The following MYH15 variants were observed in gnomAD, a reference collection of about 807,000 sequenced individuals.
MYH15 encodes myosin-15.
A neutral mutation model predicts 240.5 loss-of-function variants in MYH15; 227 were observed. The observed-to-expected ratio is 0.94, with a 90% CI of 0.85 to 1.05. The LOEUF is 1.05. Ranked by LOEUF, MYH15 falls within the 50% of genes least tolerant of loss-of-function variation. The probability of loss-of-function intolerance (pLI) is 0.00; values close to 1 mark genes in which losing one functional copy is unlikely to be tolerated. For synonymous variants in MYH15, 785 were observed against 796.7 expected, an observed-to-expected ratio of 0.99 and a Z score of 0.25; for missense variants, 2,217 against 2,247.5, an observed-to-expected ratio of 0.99 and a Z score of 0.27.
Position 108,456,747 on chromosome 3 carries a change from T to A in MYH15, c.2138+19A>T. ...AATGAACTGCCTCAGGCTTCTTGGATCCTAGAATGTAGGTTTACCTTTGTT... is the reference window on the plus strand; with the variant it reads ...AATGAACTGCCTCAGGCTTCTTGGAACCTAGAATGTAGGTTTACCTTTGTT... On this transcript the variant is annotated intron_variant, in intron 19 of 40. Coordinates refer to ENST00000693548, the MANE Select transcript of MYH15 (RefSeq NM_014981.3). 1 of 1,557,814 alleles carries A rather than the reference T, an allele frequency of 6.4e-7. No homozygotes were observed. Among genetic ancestry groups the A allele is most frequent in the Non-Finnish European group, 8.9e-7 (1 of 1,129,434 alleles).
rs759460238 is a variant in MYH15, at chr3:108,428,848, C to T, written c.3346G>A (p.Ala1116Thr). 4 of 1,610,426 alleles carry T rather than the reference C, an allele frequency of 2.5e-6. No individual in the cohort carries two copies. Among genetic ancestry groups the T allele is most frequent in the Non-Finnish European group, 3.4e-6 (4 of 1,179,164 alleles). Residue 1116 changes from alanine to threonine, a missense_variant, in exon 27 of 41, where the codon GCT becomes ACT. By Grantham distance (58) the Ala-to-Thr change is moderately conservative. Coordinates refer to ENST00000693548, the MANE Select transcript of MYH15 (RefSeq NM_014981.3). Reference protein sequence around the residue: ...QIKDLKEKLEAERTTRAKMER... With the variant: ...QIKDLKEKLETERTTRAKMER... The stretch of plus-strand genomic sequence containing the variant: ...ATCTTGGCTCGAGTGGTCCTTTCAG[C>T]TTCTAGTTTCTCTTTCAAATCCTTT...
chr3:108,390,985 T>C (rs1159692154), intron 37 of MYH15, among the ~76,000 whole-genome samples: 1 of 152,230 alleles, frequency 6.6e-6, no homozygotes, highest in East Asian at 1.9e-4. Context: ...TACACCTTCA[T>C]ATTCTCCCAC....
intron 38 of MYH15, 118 bp from the exon 39 acceptor site, chr3:108,384,900 G>C (rs2082370326): frequency 8.2e-6 from 7 of 855,776 alleles, no homozygotes; most frequent in Non-Finnish European, 1.3e-5. Flanking sequence ...TCTCAGAGTT[G>C]TGATTTTAAC....
Position 108,421,177 on chromosome 3 carries a change from C to T in MYH15, c.3740G>A (p.Arg1247His), listed in dbSNP as rs139021012. The change falls in exon 28 of 41, where the codon CGC becomes CAC. Residue 1247 changes from arginine (R) to histidine (H), a missense_variant. By Grantham distance (29) the Arg-to-His change is conservative (BLOSUM62 0). Coordinates refer to ENST00000693548, the MANE Select transcript of MYH15 (RefSeq NM_014981.3). ...AEKLCTLYEE[R>H]LHEATAKLDK... ...TAGCTTTGCAGTTGCTTCATGCAAG[C>T]GCTCTTCATATAGAGTACAGAGTTT... 5.5e-5 allele frequency: 89 copies of T among 1,613,800 alleles called. No individual in the cohort carries two copies. The highest frequency in any genetic ancestry group is 4.0e-5 in the African/African-American group (3 of 75,036).
chr3:108,416,384 C>T (rs368315411), intron 29 of MYH15, among the ~76,000 whole-genome samples: 1 of 152,146 alleles, frequency 6.6e-6, no homozygotes, highest in African/African-American at 2.4e-5. Flanking sequence ...ACTGGAGTCA[C>T]CTTCTAGCAA....
At chr3:108,411,803 T>C (rs566101782) in intron 30 of MYH15, among the ~76,000 whole-genome samples, 4 of 152,326 alleles carry the variant, frequency 2.6e-5, no homozygotes, top group South Asian at 2.1e-4. Flanking sequence ...CCGGAATTAA[T>C]AGGACTGCAT....
chr3:108,381,651 G>C, intron 40 of MYH15, 92 bp from the exon 41 acceptor site: 1 of 1,418,902 alleles, frequency 7.0e-7, no homozygotes, highest in South Asian at 1.2e-5. Context: ...CCCTTCCAGA[G>C]GTAAGCAGGC....
At chr3:108,417,097 C>G (rs992091883) in intron 28 of MYH15, among the ~76,000 whole-genome samples, 167 bp from the exon 29 acceptor site, 1 of 152,150 alleles carries the variant, frequency 6.6e-6, no homozygotes, top group Non-Finnish European at 1.5e-5. Context: ...TGGCAATGAT[C>G]CTTTCCAGGA....
chr3:108,493,929 C>A (rs186104024), intron 7 of MYH15, among the ~76,000 whole-genome samples: 1 of 152,332 alleles, frequency 6.6e-6, no homozygotes, highest in Admixed American at 6.5e-5. Flanking sequence ...AATAGACGGG[C>A]ACCCTTTCTT....
At chr3:108,481,892 C>T (rs983554233) in intron 11 of MYH15, among the ~76,000 whole-genome samples, 1 of 151,996 alleles carries the variant, frequency 6.6e-6, no homozygotes, top group Non-Finnish European at 1.5e-5. Context: ...TTATTTGGAG[C>T]CATTGTTGAG....
At chr3:108,521,043 G>A (rs181097084) in intron 1 of MYH15, among the ~76,000 whole-genome samples, 80 of 152,110 alleles carry the variant, frequency 5.3e-4, no homozygotes, top group African/African-American at 1.9e-3. Context: ...CCTAGATGTT[G>A]AGCTTCAAAA....
intron 4 of MYH15, 148 bp from the exon 5 acceptor site, chr3:108,499,630 C>A: frequency 1.3e-6 from 1 of 761,250 alleles, no homozygotes; most frequent in Non-Finnish European, 2.2e-6. Flanking sequence ...ACATACCCCT[C>A]AAATGGTACA....
At position 108,441,230 on chromosome 3, in the gene MYH15, G is replaced by A; in HGVS notation, c.2686C>T (p.Gln896Ter). ...EQETLANVEEQCEWLIKSKIQ... is the reference protein window; with the variant it reads ...EQETLANVEE ...TTGGATTTAATCAGCCACTCGCACT[G>A]CTCTTCAACATTTGCCAGTGTCTCT... Residue 896 changes from glutamine to a stop codon, truncating the protein, a stop_gained, in exon 23 of 41, where the codon CAG becomes TAG. Transcript: ENST00000693548. LOFTEE classifies it high-confidence loss of function. 1 of 1,614,078 alleles carries A rather than the reference G, an allele frequency of 6.2e-7. No individual in the cohort carries two copies. Among genetic ancestry groups the A allele is most frequent in the South Asian group, 1.1e-5 (1 of 91,084 alleles).
chr3:108,429,568 C>T (rs1328071414), intron 26 of MYH15, among the ~76,000 whole-genome samples: 1 of 152,036 alleles, frequency 6.6e-6, no homozygotes, highest in Non-Finnish European at 1.5e-5. Flanking sequence ...TTAGTATAGG[C>T]CAAACAGGTC....
intron 20 of MYH15, among the ~76,000 whole-genome samples, chr3:108,454,671 CCTCTGTTCTAGAGTAAGG>C (rs138013685): frequency 0.048 from 7,338 of 152,120 alleles, 595 homozygotes; most frequent in African/African-American, 0.17. Flanking sequence ...AGTTTGCTGA[CCTCTGTTCTAGAGTAAGG>C]CACTTTTGTC....
intron 33 of MYH15, among the ~76,000 whole-genome samples, chr3:108,402,455 A>G (rs908654122): frequency 4.6e-5 from 7 of 152,234 alleles, no homozygotes; most frequent in African/African-American, 7.2e-5. Flanking sequence ...CACCATGCCC[A>G]TTTATTTCCT....
At position 108,453,989 on chromosome 3, in the gene MYH15, G is replaced by A. The variant is rs773804470; in HGVS notation, c.2399+17C>T. ...CTATTACCCTAGCAGTTGGGGAGCA[G>A]GGTGGGCATATAATACCTTTCTTCC... is the stretch of plus-strand genomic sequence containing the variant. On this transcript the variant is annotated intron_variant, in intron 21 of 40. Coordinates refer to ENST00000693548, the MANE Select transcript of MYH15 (RefSeq NM_014981.3). 6.2e-7 allele frequency: 1 copy of A among 1,606,698 alleles called. No individual in the cohort carries two copies. The highest frequency in any genetic ancestry group is 8.5e-7 in the Non-Finnish European group (1 of 1,174,588).
chr3:108,452,860 G>T (rs2107576292), intron 21 of MYH15, among the ~76,000 whole-genome samples: 1 of 152,270 alleles, frequency 6.6e-6, no homozygotes, highest in South Asian at 2.1e-4. Flanking sequence ...GCCCATGCCT[G>T]TAATCTCAGC....
At chr3:108,396,513 C>G (rs538233419) in intron 35 of MYH15, among the ~76,000 whole-genome samples, 160 of 152,306 alleles carry the variant, frequency 1.1e-3, no homozygotes, top group Middle Eastern at 6.8e-3. Context: ...AAAGCTCTCT[C>G]CCCTGCAGCT....
Sources: allele counts gnomAD v4.1 joint callset (sites outside exome capture counted in the v4.1 genomes callset), GRCh38; gene constraint gnomAD v4.1.1; transcripts MANE v1.5; gene names NCBI Gene and HGNC (gene_info 2026-07-23, HGNC 2026-07-21).